The following C2CD3 variants were observed in gnomAD, a reference collection of about 807,000 sequenced individuals.
C2CD3 encodes C2 domain containing 3 centriole elongation regulator.
A neutral mutation model predicts 234.0 loss-of-function variants in C2CD3; 148 were observed. The observed-to-expected ratio is 0.63, with a 90% CI of 0.55 to 0.72. The LOEUF (loss-of-function observed/expected upper bound fraction) is 0.72. Ranked by LOEUF, C2CD3 falls within the 30% of genes least tolerant of loss-of-function variation. C2CD3 has a pLI of 0.00. For missense variants in C2CD3, 2,577 were observed against 2,811.5 expected (o/e 0.92, Z 1.89); for synonymous variants, 1,000 against 1,035.4 (o/e 0.97, Z 0.66).
At chr11:74,090,669 C>T (rs997820420) in intron 20 of C2CD3, 144 bp downstream of exon 20, 7 of 912,620 alleles carry the variant, frequency 7.7e-6, no homozygotes, top group South Asian at 6.4e-5. Context: ...TACTCATATT[C>T]TGAAATGCTT....
At position 74,100,535 on chromosome 11, in the gene C2CD3, T is replaced by C; in HGVS notation, c.2722A>G (p.Met908Val). ...AAAGGTCCTATTTACTTGAATGACA[T>C]GTAAAACTGGTGGAGGGGAAGTTTC... ...LVKLPLHQFY[M>V]SFKDAKISRL... Residue 908 changes from methionine to valine, a missense_variant, in exon 15 of 33, where the codon ATG (methionine) becomes GTG (valine). Coordinates refer to ENST00000334126, the MANE Select transcript of C2CD3 (RefSeq NM_001286577.2). 1 of 1,610,990 alleles carries C rather than the reference T, an allele frequency of 6.2e-7. No homozygotes were observed. Among genetic ancestry groups the C allele is most frequent in the Non-Finnish European group, 8.5e-7 (1 of 1,179,120 alleles).
intron 15 of C2CD3, among the ~76,000 whole-genome samples, 182 bp from the exon 16 acceptor site, chr11:74,098,437 A>C (rs1014400410): frequency 6.6e-6 from 1 of 152,264 alleles, no homozygotes; most frequent in Non-Finnish European, 1.5e-5. Flanking sequence ...CCAGGCAGAG[A>C]AGTTCAAAAT....
intron 13 of C2CD3, among the ~76,000 whole-genome samples, chr11:74,103,941 T>C (rs1289551870): frequency 6.6e-6 from 1 of 152,194 alleles, no homozygotes; most frequent in Admixed American, 6.5e-5. Context: ...TGGCTAAATC[T>C]AGGACAACTT....
chr11:74,090,256 C>T (rs1417494757), intron 20 of C2CD3, among the ~76,000 whole-genome samples: 2 of 152,108 alleles, frequency 1.3e-5, no homozygotes, highest in Non-Finnish European at 2.9e-5. Flanking sequence ...AGGCCAGGTG[C>T]ACTGGCTCAC....
chr11:74,121,377 T>C (rs1180281149), intron 8 of C2CD3, among the ~76,000 whole-genome samples: 1 of 151,688 alleles, frequency 6.6e-6, no homozygotes, highest in African/African-American at 2.4e-5. Context: ...GAGGCTGAGG[T>C]GCGCGGACCA....
chr11:74,170,624 C>A, intron 1 of C2CD3, 114 bp downstream of exon 1: 1 of 1,201,424 alleles, frequency 8.3e-7, no homozygotes, highest in Admixed American at 1.9e-5. Flanking sequence ...TCCCTGGCTA[C>A]TTCCTTCTTA....
chr11:74,077,813 AT>A (rs1955125489), intron 23 of C2CD3, among the ~76,000 whole-genome samples: 2 of 30,984 alleles, frequency 6.5e-5, no homozygotes, highest in South Asian at 1.1e-3. Flanking sequence ...ATATATATAT[AT>A]ATATATATAT....
At chr11:74,113,046 C>T (rs569204508) in intron 11 of C2CD3, among the ~76,000 whole-genome samples, 12 of 152,266 alleles carry the variant, frequency 7.9e-5, no homozygotes, top group African/African-American at 2.6e-4. Flanking sequence ...GGAAATAACA[C>T]GAATGTCCAG....
At chr11:74,136,496 C>T (rs1381511712) in intron 5 of C2CD3, among the ~76,000 whole-genome samples, 1 of 152,152 alleles carries the variant, frequency 6.6e-6, no homozygotes, top group Non-Finnish European at 1.5e-5. Context: ...ACCTTAAAGT[C>T]TGAGACAGTA....
Position 74,170,987 on chromosome 11 carries a change from C to G in C2CD3, c.-195G>C, listed in dbSNP as rs1204150439. ...CGAAGAGAAGGCGCCAAGACGCCTTCCCTCCAATACACTACAATACCCAGG... is the reference window on the plus strand; with the variant it reads ...CGAAGAGAAGGCGCCAAGACGCCTTGCCTCCAATACACTACAATACCCAGG... On this transcript the variant is annotated 5_prime_UTR_variant, in exon 1 of 33. Transcript: ENST00000334126. 2 of 1,279,210 alleles carry G rather than the reference C, an allele frequency of 1.6e-6. No homozygotes were observed. Among genetic ancestry groups the G allele is most frequent in the East Asian group, 5.1e-5 (2 of 39,526 alleles). 79.2% of individuals were successfully genotyped at this position (1,279,210 alleles called of 1,614,324 possible). A position where few individuals can be genotyped will look rare whatever the true frequency, so the allele number is the denominator to read the frequency against.
At chr11:74,128,337 G>A (rs970570547) in intron 7 of C2CD3, among the ~76,000 whole-genome samples, 3 of 152,024 alleles carry the variant, frequency 2.0e-5, no homozygotes. Flanking sequence ...TTTCTGTGGT[G>A]TCTTCTCACT....
intron 9 of C2CD3, among the ~76,000 whole-genome samples, chr11:74,117,072 A>T (rs1342115383): frequency 4.2e-5 from 2 of 47,916 alleles, no homozygotes; most frequent in Admixed American, 2.8e-4. Flanking sequence ...ATATATATAT[A>T]TGAATATATA....
At position 74,106,365 on chromosome 11, in the gene C2CD3, A is replaced by T; in HGVS notation, c.2085+6T>A. ...CTTCTGACTTCCTGAATGTATATCT[A>T]CATACCTTGAGGGGGCCAAATGGAG... On this transcript the variant is annotated splice_donor_region_variant and intron_variant, in intron 13 of 32. Coordinates refer to ENST00000334126, the MANE Select transcript of C2CD3 (RefSeq NM_001286577.2). The T allele has an allele frequency of 6.2e-7, 1 of 1,613,872 alleles. No homozygotes were observed. The highest frequency in any genetic ancestry group is 8.5e-7 in the Non-Finnish European group (1 of 1,179,876).
chr11:74,037,089 G>T (rs1397385292), intron 30 of C2CD3, among the ~76,000 whole-genome samples: 1 of 152,084 alleles, frequency 6.6e-6, no homozygotes, highest in Non-Finnish European at 1.5e-5. Flanking sequence ...TATGTTTATT[G>T]TTCATTATTT....
chr11:74,082,887 A>G (rs1955455627), intron 22 of C2CD3, among the ~76,000 whole-genome samples: 1 of 152,236 alleles, frequency 6.6e-6, no homozygotes, highest in African/African-American at 2.4e-5. Context: ...TATAGATTCA[A>G]TGCCATCCCC....
intron 32 of C2CD3, among the ~76,000 whole-genome samples, chr11:74,023,820 A>G (rs986609048): frequency 1.3e-5 from 2 of 152,194 alleles, no homozygotes; most frequent in Non-Finnish European, 2.9e-5. Context: ...TCTCTGCTCC[A>G]TATTCACAGC....
At chr11:74,114,195 T>A (rs1262287735) in intron 10 of C2CD3, among the ~76,000 whole-genome samples, 189 bp downstream of exon 10, 1 of 152,084 alleles carries the variant, frequency 6.6e-6, no homozygotes, top group Admixed American at 6.5e-5. Flanking sequence ...GTCTGTATCT[T>A]AATTTTCTTT....
chr11:74,078,649 G>C lies in C2CD3; in HGVS notation c.4069C>G (p.Gln1357Glu). 1.9e-6 allele frequency: 3 copies of C among 1,614,164 alleles called. No individual in the cohort carries two copies. Among genetic ancestry groups the C allele is most frequent in the Non-Finnish European group, 2.5e-6 (3 of 1,180,008 alleles). Residue 1357 changes from glutamine to glutamate, a missense_variant, in exon 23 of 33, where the codon CAG (glutamine) becomes GAG (glutamate). Gln to Glu is a conservative substitution (Grantham distance 29). Transcript: ENST00000334126. ...AGCTCCAGACCACCCACGATCTTCT[G>C]CATGAGCTCCAGGCCATGAGGTAGG... Reference protein sequence around the residue: ...GGLPHGLELMQKIVGGLELSI... With the variant: ...GGLPHGLELMEKIVGGLELSI...
chr11:74,115,268 T>C (rs1956886667), intron 9 of C2CD3, among the ~76,000 whole-genome samples: 1 of 151,710 alleles, frequency 6.6e-6, no homozygotes, highest in African/African-American at 2.4e-5. Flanking sequence ...ACACAACATA[T>C]ATACACACAC....
Sources: allele counts gnomAD v4.1 joint callset (sites outside exome capture counted in the v4.1 genomes callset), GRCh38; gene constraint gnomAD v4.1.1; transcripts MANE v1.5; gene names NCBI Gene and HGNC (gene_info 2026-07-23, HGNC 2026-07-21).